The following ZNF678 variants were observed in gnomAD, a reference collection of about 807,000 sequenced individuals.
ZNF678 encodes the protein zinc finger protein 678, also known as hypothetical protein MGC42493.
In ZNF678, 5 loss-of-function variants were observed where a neutral mutation model predicts 3.0. That is an observed-to-expected ratio of 1.69 (90% confidence interval 0.88 to 3.56). ZNF678 has a LOEUF of 3.56. ZNF678 is among the 30% of genes most tolerant of loss of function. ZNF678 has a pLI of 0.00. For synonymous variants in ZNF678, 218 were observed against 199.6 expected, an observed-to-expected ratio of 1.09 and a Z score of -0.78; for missense variants, 593 against 605.0, an observed-to-expected ratio of 0.98 and a Z score of 0.21.
At chr1:227,641,973 A>G (rs551891266) in intron 1 of ZNF678, among the ~76,000 whole-genome samples, 17 of 152,312 alleles carry the variant, frequency 1.1e-4, no homozygotes, top group African/African-American at 3.8e-4. Context: ...CTGCCCCTCA[A>G]AGACCTAAAT....
At chr1:227,600,694 GATAC>G (rs1330737532) in intron 1 of ZNF678, among the ~76,000 whole-genome samples, 3 of 152,076 alleles carry the variant, frequency 2.0e-5, no homozygotes, top group Non-Finnish European at 4.4e-5. Flanking sequence ...ACGTTTGTCA[GATAC>G]ATAGTTTGCA....
In ZNF678 at chr1:227,590,126, C is replaced by G. The variant is rs1008573502; in HGVS notation, c.-164+26402C>G. 5.9e-5 allele frequency among the ~76,000 whole-genome samples: 9 copies of G among 151,886 alleles called. 1 individual carries two copies. The highest frequency in any genetic ancestry group is 2.2e-4 in the African/African-American group (9 of 41,302). ...ATCAGTAAGCAGGTTCCTATTACTACTATAATTTTTATTATAAGAGTTTTA... is the reference window on the plus strand; with the variant it reads ...ATCAGTAAGCAGGTTCCTATTACTAGTATAATTTTTATTATAAGAGTTTTA... On this transcript the variant is annotated intron_variant, in intron 1 of 3. Transcript: ENST00000343776.
At chr1:227,668,187 A>C (rs1299241848) in intron 5 of ZNF678, among the ~76,000 whole-genome samples, 1 of 152,184 alleles carries the variant, frequency 6.6e-6, no homozygotes, top group Non-Finnish European at 1.5e-5. Flanking sequence ...TGGGACAATA[A>C]TATACCTACT....
At chr1:227,669,343 A>G (rs1659560597) in intron 5 of ZNF678, among the ~76,000 whole-genome samples, 1 of 152,176 alleles carries the variant, frequency 6.6e-6, no homozygotes, top group African/African-American at 2.4e-5. Context: ...AGAAATGCAA[A>G]TTAAAACCAC....
chr1:227,668,597 A>G (rs1571927576), intron 5 of ZNF678, among the ~76,000 whole-genome samples: 1 of 152,330 alleles, frequency 6.6e-6, no homozygotes, highest in Middle Eastern at 3.4e-3. Flanking sequence ...GGGCATGAGT[A>G]TATGAACCTG....
intron 1 of ZNF678, among the ~76,000 whole-genome samples, chr1:227,574,800 A>G (rs531831620): frequency 6.6e-6 from 1 of 152,236 alleles, no homozygotes; most frequent in South Asian, 2.1e-4. Flanking sequence ...TGGGTTTTAC[A>G]TGTAAGTGTT....
rs764580517 is a variant in ZNF678 at position 227,597,306 on chromosome 1, TC to T, written c.-164+33584del. 3.9e-5 allele frequency among the ~76,000 whole-genome samples: 6 copies of T among 152,356 alleles called. No individual in the cohort carries two copies. In the South Asian group the frequency reaches 1.0e-3, roughly 26 times the overall value. The stretch of plus-strand genomic sequence containing the variant: ...TTTCTGCCCTGGGTGGGCCAGGTGT[TC>T]CTTGCCCTCATTCCGGTAAACCCAC... On this transcript the variant is annotated intron_variant, in intron 1 of 3. Coordinates refer to ENST00000343776, the MANE Select transcript of ZNF678 (RefSeq NM_001367909.1).
At chr1:227,570,750 T>C (rs922881995) in intron 1 of ZNF678, among the ~76,000 whole-genome samples, 2 of 152,156 alleles carry the variant, frequency 1.3e-5, no homozygotes, top group African/African-American at 4.8e-5. Flanking sequence ...ACTGTCTCCA[T>C]ACATTTCTGC....
intron 1 of ZNF678, among the ~76,000 whole-genome samples, chr1:227,619,717 TAGCC>T (rs1301217983): frequency 1.3e-5 from 2 of 151,946 alleles, no homozygotes; most frequent in African/African-American, 4.8e-5. Flanking sequence ...TTCACCGTGT[TAGCC>T]AGGATGGTCT....
chr1:227,594,438 C>T (rs1406587718), intron 1 of ZNF678, among the ~76,000 whole-genome samples: 1 of 152,174 alleles, frequency 6.6e-6, no homozygotes, highest in Non-Finnish European at 1.5e-5. Context: ...TAAGAAAAAC[C>T]TGCTGTGCTT....
chr1:227,594,686 T>C (rs1341356304), intron 1 of ZNF678, among the ~76,000 whole-genome samples: 1 of 152,246 alleles, frequency 6.6e-6, no homozygotes, highest in Non-Finnish European at 1.5e-5. Flanking sequence ...ATAAAGTGTT[T>C]TTCTATAACA....
In ZNF678 at chr1:227,646,659, T is replaced by A. The variant is rs752633471; in HGVS notation, c.-48T>A. On this transcript the variant is annotated 5_prime_UTR_variant, in exon 2 of 4. Coordinates refer to ENST00000343776, the MANE Select transcript of ZNF678 (RefSeq NM_001367909.1). ...GTGATGTTCGAGAACTACAGAAACC[T>A]GGTCTCCCTGGGTGAGGATAACTTC... The A allele has an allele frequency of 8.7e-6, 12 of 1,372,034 alleles. No homozygotes were observed. The highest frequency in any genetic ancestry group is 1.1e-5 in the Non-Finnish European group (11 of 1,024,684). 85.0% of individuals were successfully genotyped at this position (1,372,034 alleles called of 1,614,324 possible).
At chr1:227,626,342 C>T (rs1347592818) in intron 1 of ZNF678, among the ~76,000 whole-genome samples, 1 of 152,096 alleles carries the variant, frequency 6.6e-6, no homozygotes, top group African/African-American at 2.4e-5. Flanking sequence ...GATTCTACTC[C>T]AGCCATTTTA....
chr1:227,593,200 A>G lies in ZNF678; in HGVS notation c.-164+29476A>G, dbSNP rs191132101. ...GTCTACTGGAGGACCACATTAGTGG[A>G]AGGGGGACAGTTTGGGCCTCTGGCC... On this transcript the variant is annotated intron_variant, in intron 1 of 3. Coordinates refer to ENST00000343776, the MANE Select transcript of ZNF678 (RefSeq NM_001367909.1). Among the ~76,000 whole-genome samples, 60 of 152,340 alleles carry G rather than the reference A, an allele frequency of 3.9e-4. 2 individuals carry two copies. In the East Asian group the frequency reaches 8.7e-3, roughly 22 times the overall value.
rs1486785580 is a variant in ZNF678 at position 227,661,448 on chromosome 1, A to G, written c.*5620A>G. On this transcript the variant is annotated 3_prime_UTR_variant, in exon 4 of 4. Transcript: ENST00000343776. ...TATGCTTTTCCCAACAATAAGGGAC[A>G]TGAGTCATTGGGGCATGTTACAGAG... 2 of 152,184 alleles carry G rather than the reference A, an allele frequency of 1.3e-5. No individual in the cohort carries two copies. The highest frequency in any genetic ancestry group is 1.9e-4 in the East Asian group (1 of 5,200). The allele number at this position is 152,184 out of a possible 1,614,324, so 9.4% of individuals were successfully genotyped here.
At chr1:227,673,272 G>T (rs141913118) in intron 5 of ZNF678, among the ~76,000 whole-genome samples, 1 of 152,150 alleles carries the variant, frequency 6.6e-6, no homozygotes, top group Non-Finnish European at 1.5e-5. Flanking sequence ...CCCACCACTG[G>T]ACACCTGACC....
downstream of ZNF678, among the ~76,000 whole-genome samples, chr1:227,664,377 C>CT (rs1197465433): frequency 6.6e-6 from 1 of 152,104 alleles, no homozygotes; most frequent in African/African-American, 2.4e-5. Context: ...ACTTGATAAT[C>CT]TGCTTGTGTC....
intron 1 of ZNF678, among the ~76,000 whole-genome samples, chr1:227,641,759 C>G (rs1164843078): frequency 6.9e-6 from 1 of 145,780 alleles, no homozygotes; most frequent in African/African-American, 2.5e-5. Context: ...CATATTTCTA[C>G]AAAAAAAAAA....
chr1:227,637,338 T>A (rs962770990), intron 1 of ZNF678, among the ~76,000 whole-genome samples: 2 of 152,186 alleles, frequency 1.3e-5, no homozygotes, highest in East Asian at 3.9e-4. Context: ...AGATGAGACT[T>A]AGTACATTGC....
Sources: gnomAD v4.1 joint callset for allele counts (sites outside exome capture counted in the v4.1 genomes callset) on GRCh38, gnomAD v4.1.1 for gene constraint, MANE v1.5 for transcripts, NCBI Gene and HGNC (gene_info 2026-07-23, HGNC 2026-07-21) for gene names.